CCBE1: variants seen among roughly 807,000 people sequenced by gnomAD.
CCBE1 encodes the protein collagen and calcium binding EGF domains 1.
CCBE1 carries 37 observed loss-of-function variants against 50.0 expected under a neutral mutation model. The ratio of observed to expected loss-of-function variants is 0.74; its 90% confidence interval spans 0.57 to 0.97. CCBE1 has a LOEUF of 0.97. Among genes scored for constraint, CCBE1 ranks in the 50% least tolerant of loss-of-function variants. CCBE1 has a pLI of 0.00. For synonymous variants in CCBE1, 234 were observed against 203.7 expected (o/e 1.15, Z -1.27); for missense variants, 538 against 523.8 (o/e 1.03, Z -0.26).
intron 2 of CCBE1, among the ~76,000 whole-genome samples, chr18:59,614,860 AAT>A (rs1175293576): frequency 1.3e-5 from 2 of 152,226 alleles, no homozygotes; most frequent in African/African-American, 4.8e-5. Context: ...AACAAATGTT[AAT>A]ATATGAGAAG....
intron 2 of CCBE1, among the ~76,000 whole-genome samples, chr18:59,607,983 G>A (rs569646360): frequency 6.7e-4 from 99 of 148,258 alleles, no homozygotes; most frequent in Non-Finnish European, 1.3e-3. Context: ...AGCTGAGGCA[G>A]GAGAATCTCT....
At chr18:59,690,171 T>C (rs1163980676) in intron 2 of CCBE1, among the ~76,000 whole-genome samples, 3 of 152,222 alleles carry the variant, frequency 2.0e-5, no homozygotes, top group Non-Finnish European at 4.4e-5. Flanking sequence ...GAACAGTGCC[T>C]GGCAGATTGT....
intron 2 of CCBE1, among the ~76,000 whole-genome samples, chr18:59,549,683 A>C (rs1206664612): frequency 6.6e-6 from 1 of 152,150 alleles, no homozygotes; most frequent in Non-Finnish European, 1.5e-5. Flanking sequence ...CCAGCAGTCA[A>C]ATGTGCTGCA....
chr18:59,584,931 T>G (rs1298842013), intron 2 of CCBE1, among the ~76,000 whole-genome samples: 2 of 152,186 alleles, frequency 1.3e-5, no homozygotes, highest in Non-Finnish European at 2.9e-5. Context: ...AAGACAAGTT[T>G]GATTCTATGA....
chr18:59,558,734 G>A (rs1266378170), intron 2 of CCBE1, among the ~76,000 whole-genome samples: 1 of 152,210 alleles, frequency 6.6e-6, no homozygotes, highest in Non-Finnish European at 1.5e-5. Flanking sequence ...ATACAGCTTA[G>A]CTTGCTTGTG....
chr18:59,667,694 G>A (rs186326174), intron 2 of CCBE1, among the ~76,000 whole-genome samples: 6 of 152,298 alleles, frequency 3.9e-5, no homozygotes, highest in Admixed American at 2.6e-4. Flanking sequence ...GTCACTGGCT[G>A]TACCCAACAG....
At chr18:59,485,392 A>G (rs906415771) in intron 2 of CCBE1, among the ~76,000 whole-genome samples, 1 of 152,142 alleles carries the variant, frequency 6.6e-6, no homozygotes, top group African/African-American at 2.4e-5. Flanking sequence ...CTGTCTGCTG[A>G]TCATTATGTT....
At chr18:59,472,659 A>AT (rs1179057216) in intron 3 of CCBE1, among the ~76,000 whole-genome samples, 1 of 152,162 alleles carries the variant, frequency 6.6e-6, no homozygotes, top group Non-Finnish European at 1.5e-5. Context: ...GCCTCCATGA[A>AT]TGTGCATTCA....
At chr18:59,664,471 G>A (rs2054325589) in intron 2 of CCBE1, among the ~76,000 whole-genome samples, 1 of 152,162 alleles carries the variant, frequency 6.6e-6, no homozygotes, top group East Asian at 1.9e-4. Context: ...GACATGCTGT[G>A]AGAATCCTGA....
intron 2 of CCBE1, among the ~76,000 whole-genome samples, chr18:59,519,069 T>A (rs534384228): frequency 1.2e-3 from 182 of 152,316 alleles, no homozygotes; most frequent in African/African-American, 4.2e-3. Flanking sequence ...ATAAACTTCA[T>A]GAACTTAAGT....
rs1568135946 is a variant in CCBE1 at position 59,434,656 on chromosome 18, G to A, written c.*1252C>T. The A allele has an allele frequency of 6.6e-6, 1 of 152,074 alleles. No individual in the cohort carries two copies. The highest frequency in any genetic ancestry group is 1.5e-5 in the Non-Finnish European group (1 of 68,014). 9.4% of individuals were successfully genotyped at this position (152,074 alleles called of 1,614,324 possible). A position where few individuals can be genotyped will look rare whatever the true frequency, so the allele number is the denominator to read the frequency against. ...CAGGGGAAAATAAATCAAAGAGAAG[G>A]CCTAAAAGAACTGGAACTTGGACTA... On this transcript the variant is annotated 3_prime_UTR_variant, in exon 11 of 11. Transcript: ENST00000439986.
At chr18:59,467,590 T>C (rs1485370153) in intron 4 of CCBE1, among the ~76,000 whole-genome samples, 1 of 152,210 alleles carries the variant, frequency 6.6e-6, no homozygotes, top group Non-Finnish European at 1.5e-5. Flanking sequence ...ATGTTAACTA[T>C]GCACATCATG....
intron 2 of CCBE1, among the ~76,000 whole-genome samples, chr18:59,522,681 C>T (rs952076261): frequency 6.6e-6 from 1 of 152,046 alleles, no homozygotes; most frequent in African/African-American, 2.4e-5. Flanking sequence ...TCACAGTAGC[C>T]CCAGCTGGGA....
chr18:59,588,680 G>C (rs563895159), intron 2 of CCBE1, among the ~76,000 whole-genome samples: 7 of 152,338 alleles, frequency 4.6e-5, no homozygotes, highest in East Asian at 3.9e-4. Context: ...CTAGCAATGA[G>C]AGCTAGCAAT....
intron 2 of CCBE1, among the ~76,000 whole-genome samples, chr18:59,540,171 AT>A (rs2144378922): frequency 6.6e-6 from 1 of 152,322 alleles, no homozygotes; most frequent in East Asian, 1.9e-4. Flanking sequence ...TGATAAACTT[AT>A]TATAAGTACT....
At chr18:59,607,596 T>C (rs1311927952) in intron 2 of CCBE1, among the ~76,000 whole-genome samples, 7 of 152,186 alleles carry the variant, frequency 4.6e-5, no homozygotes, top group African/African-American at 1.2e-4. Flanking sequence ...TCTTCTCTTA[T>C]TCCCTTCAGC....
At chr18:59,632,706 C>T (rs1033047966) in intron 2 of CCBE1, among the ~76,000 whole-genome samples, 3 of 152,150 alleles carry the variant, frequency 2.0e-5, no homozygotes, top group Non-Finnish European at 4.4e-5. Context: ...TCTCCTGCCT[C>T]GGCCTCCTGA....
At chr18:59,648,747 C>A in intron 2 of CCBE1, among the ~76,000 whole-genome samples, 1 of 152,324 alleles carries the variant, frequency 6.6e-6, no homozygotes, top group Non-Finnish European at 1.5e-5. Flanking sequence ...AACAGGGCAA[C>A]TTTTGGTGCA....
chr18:59,505,175 T>C (rs1913813001), intron 2 of CCBE1, among the ~76,000 whole-genome samples: 2 of 151,732 alleles, frequency 1.3e-5, no homozygotes, highest in Non-Finnish European at 2.9e-5. Context: ...GAGGGAGGAG[T>C]GGAAAAGTAT....
Sources: gnomAD v4.1 joint callset for allele counts (sites outside exome capture counted in the v4.1 genomes callset) on GRCh38, gnomAD v4.1.1 for gene constraint, MANE v1.5 for transcripts, NCBI Gene and HGNC (gene_info 2026-07-23, HGNC 2026-07-21) for gene names.